FHL5: variants seen among roughly 807,000 people sequenced by gnomAD.
FHL5 encodes four and a half LIM domains 5, also known as four and a half LIM domains protein 5.
A neutral mutation model predicts 32.0 loss-of-function variants in FHL5; 33 were observed. That is an observed-to-expected ratio of 1.03 (90% CI 0.78 to 1.38). FHL5 has a LOEUF of 1.38. Ranked by LOEUF, FHL5 falls within the 40% of genes most tolerant of loss-of-function variation. The pLI, the probability that FHL5 is intolerant of heterozygous loss-of-function variation, is 0.00. For missense variants in FHL5, 336 were observed against 343.9 expected (o/e 0.98, Z 0.18); for synonymous variants, 114 against 113.6 (o/e 1.00, Z -0.02).
In FHL5 at chr6:96,617,250, A is replaced by C. The variant is rs1356659113; in HGVS notation, c.*1478A>C. On this transcript the variant is annotated 3_prime_UTR_variant, in exon 6 of 6. Transcript: ENST00000450218. ...TGGAGTAGAGGGAGGTCAGGAGAAG[A>C]AGCCCACATAGATATATAACTGTCT... Among the ~76,000 whole-genome samples the C allele has an allele frequency of 6.6e-6, 1 of 152,204 alleles. No individual in the cohort carries two copies. The highest frequency in any genetic ancestry group is 6.5e-5 in the Admixed American group (1 of 15,272).
rs766639460 is a variant in FHL5 at position 96,603,818 on chromosome 6, A to G, written c.159+46A>G. ...CAGAATTACTGCCTATGAACAGCAA[A>G]CAAGTGGGTTGGAGTGCCTCTTTTC... On this transcript the variant is annotated intron_variant, in intron 2 of 5. Transcript: ENST00000450218. 19 of 1,514,846 alleles carry G rather than the reference A, an allele frequency of 1.3e-5. No homozygotes were observed. The Admixed American group carries it at 2.9e-4, about 23-fold the overall frequency. The allele number at this position is 1,514,846 out of a possible 1,614,324, so 93.8% of individuals were successfully genotyped here.
chr6:96,599,136 A>G (rs776409405), intron 1 of FHL5, among the ~76,000 whole-genome samples: 5 of 151,982 alleles, frequency 3.3e-5, no homozygotes, highest in Non-Finnish European at 5.9e-5. Flanking sequence ...TTTAAAAAAT[A>G]GCACCTAAGA....
intron 1 of FHL5, among the ~76,000 whole-genome samples, chr6:96,589,807 A>G (rs570649965): frequency 6.6e-6 from 1 of 152,138 alleles, no homozygotes; most frequent in East Asian, 1.9e-4. Flanking sequence ...TTGTCCTAAC[A>G]CTGAGATCTA....
chr6:96,589,682 G>T (rs1770875402), intron 1 of FHL5, among the ~76,000 whole-genome samples: 1 of 151,884 alleles, frequency 6.6e-6, no homozygotes, highest in South Asian at 2.1e-4. Context: ...GTTTAATTTA[G>T]TCTAGTGTAT....
chr6:96,615,742 A>C lies in FHL5; in HGVS notation c.825A>C (p.Lys275Asn). The C allele has an allele frequency of 3.1e-6, 5 of 1,611,854 alleles. No homozygotes were observed. Among genetic ancestry groups the C allele is most frequent in the South Asian group, 1.1e-5 (1 of 90,530 alleles). Residue 275 changes from lysine to asparagine, a missense_variant, in exon 6 of 6, where the codon AAA becomes AAC. Physicochemically the swap from Lys to Asn is moderately conservative, Grantham distance 94. Transcript: ENST00000450218. ...LTQNKEIFCQ[K>N]CGSGMDTDI ...AGAACAAGGAAATCTTCTGCCAAAA[A>C]TGTGGCTCCGGAATGGACACTGACA... is the stretch of plus-strand genomic sequence containing the variant.
intron 1 of FHL5, among the ~76,000 whole-genome samples, chr6:96,595,935 A>G (rs557012474): frequency 2.4e-4 from 37 of 152,048 alleles, no homozygotes; most frequent in African/African-American, 7.2e-4. Flanking sequence ...CTGGATTTTT[A>G]CTTATACTGC....
At chr6:96,586,743 A>G (rs1212522871) in intron 1 of FHL5, among the ~76,000 whole-genome samples, 1 of 152,182 alleles carries the variant, frequency 6.6e-6, no homozygotes, top group African/African-American at 2.4e-5. Context: ...CAGCAGAAAC[A>G]ATAGCCAACA....
chr6:96,592,717 A>G (rs1770947131), intron 1 of FHL5, among the ~76,000 whole-genome samples: 1 of 152,194 alleles, frequency 6.6e-6, no homozygotes, highest in African/African-American at 2.4e-5. Context: ...GGGATCTAAT[A>G]AATGTCCATG....
In FHL5 at chr6:96,618,188, G is replaced by A. The variant is rs1771560693; in HGVS notation, c.*2416G>A. Among the ~76,000 whole-genome samples the A allele has an allele frequency of 6.6e-6, 1 of 152,184 alleles. No homozygotes were observed. Among genetic ancestry groups the A allele is most frequent in the Non-Finnish European group, 1.5e-5 (1 of 68,034 alleles). Reference sequence around the variant, plus strand: ...AAAAATTATATAGTTGATTTATATGGTTTATGTAACAAAGAGAAAAACTCC... The same window carrying A: ...AAAAATTATATAGTTGATTTATATGATTTATGTAACAAAGAGAAAAACTCC... On this transcript the variant is annotated 3_prime_UTR_variant, in exon 6 of 6. Transcript: ENST00000450218.
chr6:96,601,300 C>T (rs982013090), intron 1 of FHL5, among the ~76,000 whole-genome samples: 10 of 152,224 alleles, frequency 6.6e-5, no homozygotes, highest in Non-Finnish European at 1.5e-4. Context: ...CACCACAGCA[C>T]TCCAGCCTGG....
At chr6:96,564,480 G>A (rs1367604622) in intron 1 of FHL5, among the ~76,000 whole-genome samples, 1 of 152,156 alleles carries the variant, frequency 6.6e-6, no homozygotes, top group Non-Finnish European at 1.5e-5. Flanking sequence ...CTAAGCAAGA[G>A]TAGTAGATTT....
intron 1 of FHL5, among the ~76,000 whole-genome samples, chr6:96,581,599 G>A (rs1367996276): frequency 6.6e-6 from 1 of 152,134 alleles, no homozygotes; most frequent in Non-Finnish European, 1.5e-5. Flanking sequence ...AGATAAGCTT[G>A]CACTTGCCAT....
chr6:96,592,797 C>T lies in FHL5; in HGVS notation c.-12-10805C>T, dbSNP rs144172689. On this transcript the variant is annotated intron_variant, in intron 1 of 5. Coordinates refer to ENST00000450218, the MANE Select transcript of FHL5 (RefSeq NM_001322466.2). ...CCTCCGTTCAGGGTCCCTGACTTCC[C>T]GCAACATTTTATAATCTACTTTTGA... 1.0e-3 allele frequency among the ~76,000 whole-genome samples: 156 copies of T among 152,232 alleles called. 1 individual carries two copies. The highest frequency in any genetic ancestry group is 3.4e-3 in the Middle Eastern group (1 of 294).
At chr6:96,613,132 T>A (rs1771446675) in intron 5 of FHL5, among the ~76,000 whole-genome samples, 1 of 152,212 alleles carries the variant, frequency 6.6e-6, no homozygotes. Flanking sequence ...CAAAAAAGCA[T>A]ATGATAAGGT....
chr6:96,587,467 T>TA (rs1469045816), intron 1 of FHL5, among the ~76,000 whole-genome samples: 2 of 152,196 alleles, frequency 1.3e-5, no homozygotes, highest in Admixed American at 6.5e-5. Context: ...TATCATCACT[T>TA]ACAAAAGTGT....
At chr6:96,573,013 C>T (rs1292810760) in intron 1 of FHL5, among the ~76,000 whole-genome samples, 2 of 151,724 alleles carry the variant, frequency 1.3e-5, no homozygotes, top group Non-Finnish European at 2.9e-5. Flanking sequence ...TCTCTCTGAC[C>T]TTTAATACTT....
chr6:96,570,315 C>T lies in FHL5; in HGVS notation c.-13+6960C>T, dbSNP rs150074567. On this transcript the variant is annotated intron_variant, in intron 1 of 5. Coordinates refer to ENST00000450218, the MANE Select transcript of FHL5 (RefSeq NM_001322466.2). ...TGAGTTTATAACTCTATTCTCTCCT[C>T]GCCTGTGAGGTTTCTGTAGCAAAAT... 1.1e-3 allele frequency among the ~76,000 whole-genome samples: 168 copies of T among 152,182 alleles called. 1 individual carries two copies. The highest frequency in any genetic ancestry group is 3.6e-3 in the African/African-American group (151 of 41,536).
At chr6:96,602,515 C>T (rs916518443) in intron 1 of FHL5, among the ~76,000 whole-genome samples, 10 of 127,750 alleles carry the variant, frequency 7.8e-5, no homozygotes, top group Non-Finnish European at 3.1e-5. Flanking sequence ...GGCACAATCT[C>T]GGCTCACTGC....
At chr6:96,615,450 A>T (rs879890423) in intron 5 of FHL5, among the ~76,000 whole-genome samples, 159 bp from the exon 6 acceptor site, 1 of 152,212 alleles carries the variant, frequency 6.6e-6, no homozygotes, top group Non-Finnish European at 1.5e-5. Flanking sequence ...ATAGTTCCAG[A>T]TGGACACAGG....
Sources: gnomAD v4.1 joint callset for allele counts (sites outside exome capture counted in the v4.1 genomes callset) on GRCh38, gnomAD v4.1.1 for gene constraint, MANE v1.5 for transcripts, NCBI Gene and HGNC (gene_info 2026-07-23, HGNC 2026-07-21) for gene names.